The following KIFC3 variants were observed in gnomAD, a reference collection of about 807,000 sequenced individuals.
KIFC3 encodes kinesin family member C3, also known as kinesin-like protein KIFC3.
KIFC3 carries 60 observed loss-of-function variants against 101.8 expected under a neutral mutation model. The ratio of observed to expected loss-of-function variants is 0.59; its 90% confidence interval spans 0.48 to 0.73. The LOEUF is 0.73. Among genes scored for constraint, KIFC3 ranks in the 30% least tolerant of loss-of-function variants. The probability of loss-of-function intolerance (pLI) is 0.00; values close to 1 mark genes in which losing one functional copy is unlikely to be tolerated. For synonymous variants in KIFC3, 476 were observed against 482.7 expected (o/e 0.99, Z 0.18); for missense variants, 966 against 1,137.1 (o/e 0.85, Z 2.16).
chr16:57,771,156 G>A (rs549994668), intron 6 of KIFC3, 42 bp downstream of exon 6: 11 of 1,601,788 alleles, frequency 6.9e-6, no homozygotes, highest in African/African-American at 1.3e-5. Flanking sequence ...CAGGTGCCAG[G>A]GGCCTTGGGC....
intron 1 of KIFC3, among the ~76,000 whole-genome samples, chr16:57,815,087 G>C (rs2055190069): frequency 6.6e-6 from 1 of 152,198 alleles, no homozygotes; most frequent in Non-Finnish European, 1.5e-5. Flanking sequence ...CCCTGTCCAG[G>C]CTGGGGTGAT....
At chr16:57,767,323 G>A (rs2050607384) in intron 9 of KIFC3, among the ~76,000 whole-genome samples, 1 of 152,140 alleles carries the variant, frequency 6.6e-6, no homozygotes, top group African/African-American at 2.4e-5. Context: ...GAGTAGCTGG[G>A]GACCTGAGAC....
intron 3 of KIFC3, chr16:57,788,694 C>T (rs2053580716): frequency 7.8e-7 from 1 of 1,289,634 alleles, no homozygotes; most frequent in East Asian, 5.5e-5. Context: ...GCTCTTGCAC[C>T]CCTTGTCCTG....
At chr16:57,816,906 T>C in intron 1 of KIFC3, 1 of 368,006 alleles carries the variant, frequency 2.7e-6, no homozygotes, top group Non-Finnish European at 5.4e-6. Flanking sequence ...TGAACCATAA[T>C]ACTAAGAATG....
rs569129585 is a variant in KIFC3 at position 57,785,526 on chromosome 16, G to T, written c.315+9473C>A. On this transcript the variant is annotated intron_variant, in intron 3 of 19. Coordinates refer to ENST00000445690, the MANE Select transcript of KIFC3 (RefSeq NM_001130100.2). ...CTGTCGCGGAGGGCCAGCCTCTCCT[G>T]TAGGACCACCAGCTCCTCCTGTAGC... 2.0e-5 allele frequency: 26 copies of T among 1,288,696 alleles called. No individual in the cohort carries two copies. In the African/African-American group the frequency reaches 3.6e-4, roughly 18 times the overall value. 79.8% of individuals were successfully genotyped at this position (1,288,696 alleles called of 1,614,324 possible).
At position 57,798,379 on chromosome 16, in the gene KIFC3, C is replaced by A; in HGVS notation, c.-39-97G>T. ...CCATCTGGAAGGGTCTACGCCCCACCGGTCGCTGGTTACCCAGCGCAGCAG... is the reference window on the plus strand; with the variant it reads ...CCATCTGGAAGGGTCTACGCCCCACAGGTCGCTGGTTACCCAGCGCAGCAG... On this transcript the variant is annotated intron_variant, in intron 1 of 19. Transcript: ENST00000445690. The A allele has an allele frequency of 3.6e-6, 4 of 1,119,278 alleles. No homozygotes were observed. In the South Asian group the frequency reaches 4.0e-5, roughly 11 times the overall value. 69.3% of individuals were successfully genotyped at this position (1,119,278 alleles called of 1,614,324 possible). A position where few individuals can be genotyped will look rare whatever the true frequency, so the allele number is the denominator to read the frequency against.
chr16:57,790,876 C>G, intron 3 of KIFC3: 3 of 984,118 alleles, frequency 3.0e-6, no homozygotes, highest in Non-Finnish European at 3.6e-6. Context: ...AAAATTCACC[C>G]CCTCCCTCTC....
intron 1 of KIFC3, among the ~76,000 whole-genome samples, chr16:57,854,861 A>G (rs150411376): frequency 1.3e-3 from 203 of 152,300 alleles, no homozygotes; most frequent in African/African-American, 4.7e-3. Flanking sequence ...CAATAGAAAA[A>G]TATCTGGAAA....
rs543531630 is a variant in KIFC3 at position 57,777,970 on chromosome 16, T to C, written c.316-5682A>G. Among the ~76,000 whole-genome samples, 6 of 152,194 alleles carry C rather than the reference T, an allele frequency of 3.9e-5. 1 individual carries two copies. In the South Asian group the frequency reaches 1.0e-3, roughly 26 times the overall value. On this transcript the variant is annotated intron_variant, in intron 3 of 19. Coordinates refer to ENST00000445690, the MANE Select transcript of KIFC3 (RefSeq NM_001130100.2). ...AGAATGGAGTTGGATCCTTACCTTA[T>C]ACCATATACAAAAATTAACTCAAAA...
intron 3 of KIFC3, among the ~76,000 whole-genome samples, chr16:57,786,425 GC>G (rs1195376693): frequency 1.3e-5 from 2 of 152,270 alleles, no homozygotes; most frequent in East Asian, 3.9e-4. Context: ...TGTGCACGGG[GC>G]CTGGGATGCT....
intron 1 of KIFC3, among the ~76,000 whole-genome samples, chr16:57,847,164 G>A (rs1452587847): frequency 6.7e-6 from 1 of 148,224 alleles, no homozygotes; most frequent in Non-Finnish European, 1.5e-5. Flanking sequence ...AGCCTGAGGT[G>A]ACAGAGCAAT....
chr16:57,827,724 G>A (rs1290834204), intron 1 of KIFC3, among the ~76,000 whole-genome samples: 1 of 152,168 alleles, frequency 6.6e-6, no homozygotes, highest in African/African-American at 2.4e-5. Flanking sequence ...CCTCCAGTGG[G>A]CACAGCACGT....
chr16:57,839,238 C>A (rs1444672381), intron 1 of KIFC3, among the ~76,000 whole-genome samples: 1 of 151,244 alleles, frequency 6.6e-6, no homozygotes, highest in East Asian at 1.9e-4. Context: ...GATATCCATC[C>A]CCTAAAATAA....
chr16:57,843,936 T>C (rs754314383), intron 1 of KIFC3, among the ~76,000 whole-genome samples: 21 of 149,930 alleles, frequency 1.4e-4, no homozygotes, highest in Non-Finnish European at 2.5e-4. Flanking sequence ...GGTAAAACCC[T>C]GTCTCTACTA....
In KIFC3 at chr16:57,860,307, G is replaced by A. The variant is rs184935097; in HGVS notation, c.108+2422C>T. ...CGTCTCTACTAAAAATACAAAATTA[G>A]CTGGGCATGGTGGCACATGCCTGTA... On this transcript the variant is annotated intron_variant, in intron 1 of 2. Transcript: ENST00000563028. Among the ~76,000 whole-genome samples the A allele has an allele frequency of 4.8e-3, 732 of 152,122 alleles. 21 individuals are homozygous for A. The highest frequency in any genetic ancestry group is 0.037 in the South Asian group (178 of 4,824).
At chr16:57,773,138 G>T (rs185673717) in intron 3 of KIFC3, among the ~76,000 whole-genome samples, 1 of 152,194 alleles carries the variant, frequency 6.6e-6, no homozygotes, top group Admixed American at 6.5e-5. Flanking sequence ...TCCAGCTTCC[G>T]TCAGGGCATG....
chr16:57,793,436 T>C (rs1175084205), intron 3 of KIFC3, among the ~76,000 whole-genome samples: 1 of 149,242 alleles, frequency 6.7e-6, no homozygotes, highest in Non-Finnish European at 1.5e-5. Flanking sequence ...CTACTAAAAA[T>C]ACAAACATTA....
At chr16:57,810,058 A>T (rs1411693035) in intron 1 of KIFC3, among the ~76,000 whole-genome samples, 5 of 152,132 alleles carry the variant, frequency 3.3e-5, no homozygotes, top group African/African-American at 1.2e-4. Context: ...GGAACGCCTC[A>T]GTACCCCGCG....
intron 1 of KIFC3, among the ~76,000 whole-genome samples, chr16:57,811,934 A>G (rs2055088637): frequency 1.3e-5 from 2 of 149,870 alleles, no homozygotes; most frequent in East Asian, 2.0e-4. Context: ...AAAAAAAAAA[A>G]AAGAAGATTG....
Sources: gnomAD v4.1 joint callset for allele counts (sites outside exome capture counted in the v4.1 genomes callset) on GRCh38, gnomAD v4.1.1 for gene constraint, MANE v1.5 for transcripts, NCBI Gene and HGNC (gene_info 2026-07-23, HGNC 2026-07-21) for gene names.